Variants in EYS observed in about 807,000 individuals in gnomAD.
EYS encodes protein eyes shut homolog.
EYS carries 250 observed loss-of-function variants against 282.1 expected under a neutral mutation model. That is an observed-to-expected ratio of 0.89 (90% CI 0.80 to 0.98). The LOEUF (loss-of-function observed/expected upper bound fraction) is 0.98, where lower values mean the gene tolerates loss of function less well. Among genes scored for constraint, EYS ranks in the 50% least tolerant of loss-of-function variants. EYS has a pLI of 0.00. For missense variants in EYS, 4,016 were observed against 3,709.0 expected, an observed-to-expected ratio of 1.08 and a Z score of -2.15; for synonymous variants, 1,355 against 1,282.9, an observed-to-expected ratio of 1.06 and a Z score of -1.20.
chr6:63,789,584 G>A lies in EYS; in HGVS notation c.7412-360C>T, dbSNP rs200078530. Reference sequence around the variant, plus strand: ...GAGTAGAATTGCTCCGGTAGCTAACGAGATTCAAAAGGCTGAGATGACCTA... The same window carrying A: ...GAGTAGAATTGCTCCGGTAGCTAACAAGATTCAAAAGGCTGAGATGACCTA... On this transcript the variant is annotated intron_variant, in intron 37 of 42. Coordinates refer to ENST00000503581, the MANE Select transcript of EYS (RefSeq NM_001142800.2). 2.5e-4 allele frequency among the ~76,000 whole-genome samples: 38 copies of A among 152,292 alleles called. No homozygotes were observed. The East Asian group carries it at 6.0e-3, about 24-fold the overall frequency.
chr6:63,838,003 A>G (rs1247540829), intron 36 of EYS, among the ~76,000 whole-genome samples: 1 of 152,136 alleles, frequency 6.6e-6, no homozygotes, highest in Non-Finnish European at 1.5e-5. Flanking sequence ...TCTTCTTGTA[A>G]GAGTTTTAAT....
intron 1 of EYS, among the ~76,000 whole-genome samples, chr6:65,662,028 A>G (rs1220232630): frequency 6.6e-6 from 1 of 152,104 alleles, no homozygotes; most frequent in Non-Finnish European, 1.5e-5. Context: ...TAGGGAAGAA[A>G]CTGGATGCAA....
intron 12 of EYS, among the ~76,000 whole-genome samples, chr6:65,288,253 G>A (rs1490829153): frequency 3.3e-5 from 5 of 150,724 alleles, no homozygotes; most frequent in Non-Finnish European, 6.0e-5. Flanking sequence ...TTATGTCTGA[G>A]GGAATCCTAT....
At chr6:65,703,756 CAATT>C (rs570448473) in intron 1 of EYS, among the ~76,000 whole-genome samples, 127 of 152,090 alleles carry the variant, frequency 8.4e-4, no homozygotes, top group Middle Eastern at 3.4e-3. Flanking sequence ...CACATTATCT[CAATT>C]AAAGTATTTT....
chr6:64,989,976 A>G (rs1403097568), intron 14 of EYS, among the ~76,000 whole-genome samples: 1 of 151,226 alleles, frequency 6.6e-6, no homozygotes, highest in African/African-American at 2.4e-5. Context: ...CATATTCTCT[A>G]TTTGTGTAGG....
chr6:63,984,407 C>T lies in EYS; in HGVS notation c.7031G>A (p.Cys2344Tyr), dbSNP rs1474832159. 2 of 1,549,310 alleles carry T rather than the reference C, an allele frequency of 1.3e-6. No individual in the cohort carries two copies. The highest frequency in any genetic ancestry group is 2.0e-5 in the Admixed American group (1 of 50,898). ...CHVPWCAHHLCRNNGTCISDN... is the reference protein window; with the variant it reads ...CHVPWCAHHLYRNNGTCISDN... Reference sequence around the variant, plus strand: ...CCTGATGCAGGTGCCATTGTTGCGGCACAGATGATGAGCACACCAAGGGAC... The same window carrying T: ...CCTGATGCAGGTGCCATTGTTGCGGTACAGATGATGAGCACACCAAGGGAC... The change falls in exon 35 of 43, where the codon TGC (cysteine) becomes TAC (tyrosine). Residue 2344 changes from cysteine (C) to tyrosine (Y), a missense_variant. By Grantham distance (194) the Cys-to-Tyr change is radical. Coordinates refer to ENST00000503581, the MANE Select transcript of EYS (RefSeq NM_001142800.2).
At chr6:64,398,185 T>C (rs1173904572) in intron 28 of EYS, among the ~76,000 whole-genome samples, 7 of 151,934 alleles carry the variant, frequency 4.6e-5, no homozygotes, top group South Asian at 2.1e-4. Context: ...CTGACCTACA[T>C]TGATATTATT....
chr6:65,560,517 G>T (rs1054371544), intron 2 of EYS, among the ~76,000 whole-genome samples: 2 of 149,794 alleles, frequency 1.3e-5, no homozygotes, highest in East Asian at 3.9e-4. Flanking sequence ...ATACGTGTGT[G>T]TATGTGGTGT....
chr6:65,615,557 G>C (rs1441439402), intron 2 of EYS, among the ~76,000 whole-genome samples: 1 of 151,810 alleles, frequency 6.6e-6, no homozygotes. Context: ...GTTTTCTTGA[G>C]ACCAGATATA....
chr6:65,579,873 A>G (rs974772459), intron 2 of EYS, among the ~76,000 whole-genome samples: 5 of 152,236 alleles, frequency 3.3e-5, no homozygotes, highest in African/African-American at 1.2e-4. Flanking sequence ...GAGACAAAAA[A>G]GGGAAGGAGA....
chr6:65,005,482 C>A (rs1400473235), intron 13 of EYS, among the ~76,000 whole-genome samples: 1 of 147,506 alleles, frequency 6.8e-6, no homozygotes, highest in Non-Finnish European at 1.5e-5. Flanking sequence ...TGAGCAAGGA[C>A]CACCCGGTAA....
intron 1 of EYS, among the ~76,000 whole-genome samples, chr6:65,702,702 T>C (rs1769722031): frequency 6.6e-6 from 1 of 151,382 alleles, no homozygotes; most frequent in South Asian, 2.1e-4. Context: ...AAAAAATAAA[T>C]AAATAATAAA....
chr6:64,344,905 A>G (rs1442190718), intron 29 of EYS, among the ~76,000 whole-genome samples: 1 of 152,136 alleles, frequency 6.6e-6, no homozygotes, highest in East Asian at 1.9e-4. Flanking sequence ...TACACCAATA[A>G]CAGACAAACA....
chr6:65,062,475 C>G (rs988703687), intron 12 of EYS, among the ~76,000 whole-genome samples: 1 of 151,922 alleles, frequency 6.6e-6, no homozygotes, highest in African/African-American at 2.4e-5. Flanking sequence ...CACTCTTACT[C>G]TAATGCAGTG....
chr6:64,498,641 AG>A (rs1776956352), intron 26 of EYS, among the ~76,000 whole-genome samples: 1 of 150,534 alleles, frequency 6.6e-6, no homozygotes. Flanking sequence ...ACCCACCAAC[AG>A]GCCCTGGTGT....
intron 41 of EYS, among the ~76,000 whole-genome samples, chr6:63,736,760 C>A (rs1427506110): frequency 6.6e-6 from 1 of 151,846 alleles, no homozygotes; most frequent in Admixed American, 6.6e-5. Context: ...TCTTTTATTT[C>A]ATTGAGCAGT....
intron 1 of EYS, among the ~76,000 whole-genome samples, chr6:65,701,129 C>T (rs1769658114): frequency 6.6e-6 from 1 of 152,028 alleles, no homozygotes; most frequent in Non-Finnish European, 1.5e-5. Flanking sequence ...GGAATACTTG[C>T]CTGTACTTTT....
intron 16 of EYS, among the ~76,000 whole-genome samples, chr6:64,909,851 G>A (rs1341332605): frequency 8.6e-5 from 13 of 152,020 alleles, no homozygotes; most frequent in Non-Finnish European, 1.3e-4. Flanking sequence ...GCAGTCTGAC[G>A]TAAACCCAAA....
chr6:63,933,368 G>T (rs536441620), intron 35 of EYS, among the ~76,000 whole-genome samples: 1 of 151,904 alleles, frequency 6.6e-6, no homozygotes, highest in Non-Finnish European at 1.5e-5. Context: ...CATCACACGC[G>T]GCTAATTTTT....
Sources: allele counts gnomAD v4.1 joint callset (sites outside exome capture counted in the v4.1 genomes callset), GRCh38; gene constraint gnomAD v4.1.1; transcripts MANE v1.5; gene names NCBI Gene and HGNC (gene_info 2026-07-23, HGNC 2026-07-21).